UNC5C: variants seen among roughly 807,000 people sequenced by gnomAD.
UNC5C encodes netrin receptor UNC5C.
In UNC5C, 47 loss-of-function variants were observed where a neutral mutation model predicts 99.8. That is an observed-to-expected ratio of 0.47 (90% CI 0.37 to 0.60). The LOEUF is 0.60. Among genes scored for constraint, UNC5C ranks in the 20% least tolerant of loss-of-function variants. The pLI, the probability that UNC5C is intolerant of heterozygous loss-of-function variation, is 0.00. For synonymous variants in UNC5C, 487 were observed against 452.2 expected (o/e 1.08, Z -0.98); for missense variants, 1,062 against 1,165.9 (o/e 0.91, Z 1.30).
intron 1 of UNC5C, among the ~76,000 whole-genome samples, chr4:95,474,722 A>G (rs1201676592): frequency 6.6e-6 from 1 of 152,170 alleles, no homozygotes; most frequent in Non-Finnish European, 1.5e-5. Flanking sequence ...AATAATAAAA[A>G]CTTAGACATG....
intron 3 of UNC5C, among the ~76,000 whole-genome samples, chr4:95,280,896 C>T (rs553411789): frequency 6.6e-6 from 1 of 151,898 alleles, no homozygotes; most frequent in South Asian, 2.1e-4. Flanking sequence ...CATCCCCCGA[C>T]ATCTCTTTTG....
chr4:95,338,272 C>T (rs1743423744), intron 1 of UNC5C, among the ~76,000 whole-genome samples: 1 of 152,048 alleles, frequency 6.6e-6, no homozygotes, highest in Non-Finnish European at 1.5e-5. Flanking sequence ...CAAGTTTCAG[C>T]ATTAATTCTC....
intron 1 of UNC5C, among the ~76,000 whole-genome samples, chr4:95,450,818 A>C (rs1020352248): frequency 3.3e-5 from 5 of 152,216 alleles, no homozygotes; most frequent in Admixed American, 6.5e-5. Flanking sequence ...GTCTTAAATC[A>C]TTCAAGAAAT....
intron 2 of UNC5C, among the ~76,000 whole-genome samples, chr4:95,324,866 A>T (rs191147144): frequency 6.6e-6 from 1 of 152,316 alleles, no homozygotes; most frequent in East Asian, 1.9e-4. Context: ...AATCTCTGAG[A>T]CATAAATTTC....
intron 7 of UNC5C, among the ~76,000 whole-genome samples, chr4:95,239,960 C>T (rs1257649785): frequency 6.6e-6 from 1 of 152,114 alleles, no homozygotes; most frequent in African/African-American, 2.4e-5. Context: ...TCCTATCTAG[C>T]AGTACACCTA....
intron 1 of UNC5C, among the ~76,000 whole-genome samples, chr4:95,393,865 A>ATTTT (rs1285086418): frequency 4.4e-5 from 5 of 113,170 alleles, no homozygotes; most frequent in Admixed American, 2.5e-4. Context: ...TTTTTTTTTA[A>ATTTT]AAAAAAACAG....
chr4:95,182,182 A>ATCAC (rs1041009411), intron 14 of UNC5C, among the ~76,000 whole-genome samples: 2 of 152,204 alleles, frequency 1.3e-5, no homozygotes, highest in African/African-American at 4.8e-5. Flanking sequence ...GATAGCAGTG[A>ATCAC]TCACTATTAT....
chr4:95,483,553 G>C (rs1378686428), intron 1 of UNC5C, among the ~76,000 whole-genome samples: 2 of 151,700 alleles, frequency 1.3e-5, no homozygotes, highest in Middle Eastern at 3.2e-3. Context: ...CCCATCCTAA[G>C]AATGAATTTA....
intron 1 of UNC5C, among the ~76,000 whole-genome samples, chr4:95,391,603 T>C (rs988677344): frequency 5.3e-5 from 8 of 152,148 alleles, no homozygotes; most frequent in Non-Finnish European, 8.8e-5. Flanking sequence ...CCACATTTTA[T>C]ATGTGAACTT....
In UNC5C at chr4:95,301,737, C is replaced by T. The variant is rs1471595875; in HGVS notation, c.359G>A (p.Arg120Gln). The change falls in exon 3 of 16, where the codon CGG becomes CAG. Residue 120 changes from arginine to glutamine, a missense_variant. By Grantham distance (43) the Arg-to-Gln change is conservative (BLOSUM62 1). Transcript: ENST00000453304. Reference sequence around the variant, plus strand: ...GCGCGAAATCTCAATGCTCACTTCCCGGACAATGAGACCTGACAAGAGAAA... The same window carrying T: ...GCGCGAAATCTCAATGCTCACTTCCTGGACAATGAGACCTGACAAGAGAAA... ...RVDETSGLIV[R>Q]EVSIEISRQQ... 1.2e-6 allele frequency: 2 copies of T among 1,612,692 alleles called. No individual in the cohort carries two copies. The highest frequency in any genetic ancestry group is 1.7e-6 in the Non-Finnish European group (2 of 1,179,978).
Position 95,489,484 on chromosome 4 carries a change from G to A in UNC5C, c.124+59250C>T, listed in dbSNP as rs963427807. Among the ~76,000 whole-genome samples, 10 of 151,806 alleles carry A rather than the reference G, an allele frequency of 6.6e-5. No individual in the cohort carries two copies. In the East Asian group the frequency reaches 1.6e-3, roughly 24 times the overall value. The stretch of plus-strand genomic sequence containing the variant: ...GAGATGAGGTATTAGAAGATCACAT[G>A]GTAGAAAGTCACTGACCTACTATAG... On this transcript the variant is annotated intron_variant, in intron 1 of 15. Transcript: ENST00000453304.
intron 1 of UNC5C, among the ~76,000 whole-genome samples, chr4:95,396,279 C>G (rs962386380): frequency 6.6e-6 from 1 of 152,060 alleles, no homozygotes. Context: ...ATATTCCAAC[C>G]CCCTGGATTT....
chr4:95,471,825 TTG>T (rs1451062067), intron 1 of UNC5C, among the ~76,000 whole-genome samples: 1 of 151,624 alleles, frequency 6.6e-6, no homozygotes, highest in African/African-American at 2.4e-5. Context: ...TGTATGCATT[TTG>T]TCTTTTTTTT....
chr4:95,338,161 A>G (rs1201970495), intron 1 of UNC5C, among the ~76,000 whole-genome samples: 1 of 152,036 alleles, frequency 6.6e-6, no homozygotes, highest in African/African-American at 2.4e-5. Context: ...CTCCACATAC[A>G]AAAATGAGCT....
At chr4:95,428,886 C>CGTCACTAG (rs1447908850) in intron 1 of UNC5C, among the ~76,000 whole-genome samples, 1 of 152,058 alleles carries the variant, frequency 6.6e-6, no homozygotes, top group Non-Finnish European at 1.5e-5. Flanking sequence ...CTGACAGCCC[C>CGTCACTAG]GTCACTAGGA....
At chr4:95,203,628 C>A (rs1220952743) in intron 11 of UNC5C, among the ~76,000 whole-genome samples, 4 of 152,190 alleles carry the variant, frequency 2.6e-5, no homozygotes, top group Non-Finnish European at 4.4e-5. Flanking sequence ...TGCAACCACA[C>A]CTGGCTAATT....
chr4:95,497,955 A>G (rs1339750912), intron 1 of UNC5C, among the ~76,000 whole-genome samples: 1 of 152,022 alleles, frequency 6.6e-6, no homozygotes, highest in African/African-American at 2.4e-5. Flanking sequence ...GTGAGCAGAT[A>G]TATCATAGTC....
intron 1 of UNC5C, among the ~76,000 whole-genome samples, chr4:95,458,243 T>C (rs1419423861): frequency 2.6e-5 from 4 of 152,212 alleles, no homozygotes; most frequent in Admixed American, 2.6e-4. Context: ...TGTCCCATTG[T>C]AGTATGATAT....
chr4:95,483,879 A>T (rs1412383578), intron 1 of UNC5C, among the ~76,000 whole-genome samples: 1 of 151,876 alleles, frequency 6.6e-6, no homozygotes, highest in Non-Finnish European at 1.5e-5. Context: ...AGGACAAACA[A>T]GTTAACTACA....
Sources: allele counts gnomAD v4.1 joint callset (sites outside exome capture counted in the v4.1 genomes callset), GRCh38; gene constraint gnomAD v4.1.1; transcripts MANE v1.5; gene names NCBI Gene and HGNC (gene_info 2026-07-23, HGNC 2026-07-21).